ST3GAL1: variants seen among roughly 807,000 people sequenced by gnomAD.
ST3GAL1 encodes ST3 beta-galactoside alpha-2,3-sialyltransferase 1, also known as CMP-N-acetylneuraminate-beta-galactosamide-alpha-2,3-sialyltransferase 1.
Under a neutral mutation model 34.1 loss-of-function variants are expected in ST3GAL1, and 16 were observed. That is an observed-to-expected ratio of 0.47 (90% CI 0.32 to 0.71). The LOEUF is 0.71. Ranked by LOEUF, ST3GAL1 falls within the 30% of genes least tolerant of loss-of-function variation. ST3GAL1 has a pLI of 0.04. For missense variants in ST3GAL1, 353 were observed against 447.4 expected, an observed-to-expected ratio of 0.79 and a Z score of 1.90; for synonymous variants, 191 against 184.7, an observed-to-expected ratio of 1.03 and a Z score of -0.28.
intron 2 of ST3GAL1, among the ~76,000 whole-genome samples, chr8:133,529,949 C>T (rs983629743): frequency 6.6e-6 from 1 of 152,190 alleles, no homozygotes; most frequent in African/African-American, 2.4e-5. Flanking sequence ...TTTCTAGCAC[C>T]TGTTCTCCTA....
At position 133,545,054 on chromosome 8, in the gene ST3GAL1, T is replaced by C. The variant is rs1038596049; in HGVS notation, c.-429+720A>G. 7.2e-5 allele frequency among the ~76,000 whole-genome samples: 11 copies of C among 152,224 alleles called. No homozygotes were observed. The South Asian group carries it at 1.2e-3, about 17-fold the overall frequency. On this transcript the variant is annotated intron_variant, in intron 2 of 9. Transcript: ENST00000522652. ...TCTCTGCACTATCCATGGGTACCCATAAGCAACATGTGGCTACTAAGCACA... is the reference window on the plus strand; with the variant it reads ...TCTCTGCACTATCCATGGGTACCCACAAGCAACATGTGGCTACTAAGCACA...
At position 133,458,180 on chromosome 8, in the gene ST3GAL1, C is replaced by T. The variant is rs1227996277; in HGVS notation, c.*1584G>A. On this transcript the variant is annotated 3_prime_UTR_variant, in exon 10 of 10. Coordinates refer to ENST00000522652, the MANE Select transcript of ST3GAL1 (RefSeq NM_173344.3). ...CTAGATACCCCCAATATCCCACGTC[C>T]GAGGACTCCTACAAACCTCCCTTAA... is the stretch of plus-strand genomic sequence containing the variant. The T allele has an allele frequency of 1.3e-5, 2 of 152,120 alleles. No homozygotes were observed. Among genetic ancestry groups the T allele is most frequent in the African/African-American group, 2.4e-5 (1 of 41,404 alleles). The allele number at this position is 152,120 out of a possible 1,614,324, so 9.4% of individuals were successfully genotyped here.
At chr8:133,557,094 G>C (rs2131098908) in intron 1 of ST3GAL1, among the ~76,000 whole-genome samples, 1 of 152,298 alleles carries the variant, frequency 6.6e-6, no homozygotes, top group Middle Eastern at 3.4e-3. Context: ...AACACTGATA[G>C]CACTAGCAAG....
chr8:133,498,973 C>T (rs1211992214), intron 3 of ST3GAL1, among the ~76,000 whole-genome samples, 162 bp downstream of exon 3: 1 of 152,232 alleles, frequency 6.6e-6, no homozygotes, highest in Non-Finnish European at 1.5e-5. Context: ...TTTTTGGACC[C>T]AGGGGCCCTC....
At chr8:133,488,185 G>A (rs957486310) in intron 3 of ST3GAL1, 1 of 152,316 alleles carries the variant, frequency 6.6e-6, no homozygotes, top group South Asian at 2.1e-4. Context: ...GGAATTCAAG[G>A]CTGCAATGAG....
chr8:133,511,603 A>G, intron 2 of ST3GAL1, among the ~76,000 whole-genome samples: 1 of 152,244 alleles, frequency 6.6e-6, no homozygotes, highest in African/African-American at 2.4e-5. Flanking sequence ...AACTTAGGTC[A>G]CCAGGCTCCG....
At chr8:133,546,478 CAAA>C (rs10553471) in intron 1 of ST3GAL1, among the ~76,000 whole-genome samples, 122 of 114,732 alleles carry the variant, frequency 1.1e-3, no homozygotes, top group Non-Finnish European at 1.0e-3. Flanking sequence ...GAGACTCCGT[CAAA>C]AAAAAAAAAA....
At chr8:133,507,737 A>T (rs1270825668) in intron 2 of ST3GAL1, among the ~76,000 whole-genome samples, 1 of 152,208 alleles carries the variant, frequency 6.6e-6, no homozygotes, top group Non-Finnish European at 1.5e-5. Context: ...GACTTTCCTT[A>T]GGTAGCAAAT....
At chr8:133,483,992 A>G (rs1190699509) in intron 3 of ST3GAL1, among the ~76,000 whole-genome samples, 1 of 152,198 alleles carries the variant, frequency 6.6e-6, no homozygotes, top group Non-Finnish European at 1.5e-5. Context: ...AGATTTACAC[A>G]TCCGCAGGAA....
rs1417672918 is a variant in ST3GAL1, at chr8:133,461,374, G to A, written c.849+501C>T. On this transcript the variant is annotated intron_variant, in intron 9 of 9. Transcript: ENST00000522652. This position sits in a 1 kb window ranked among gnomAD's most constrained non-coding sequence, Gnocchi z 4.7. ...ACCCGAACACAGCCTAGCGGACAGC[G>A]AAGGACATGGGAAGGCAAATGCATG... 2.0e-5 allele frequency among the ~76,000 whole-genome samples: 3 copies of A among 152,172 alleles called. No homozygotes were observed. The highest frequency in any genetic ancestry group is 2.9e-5 in the Non-Finnish European group (2 of 68,032).
At chr8:133,503,634 T>A (rs535122049) in intron 2 of ST3GAL1, among the ~76,000 whole-genome samples, 1 of 152,190 alleles carries the variant, frequency 6.6e-6, no homozygotes, top group Non-Finnish European at 1.5e-5. Context: ...TGGACTCTTC[T>A]GCCTGGCTTT....
chr8:133,566,539 C>G (rs1033907708), intron 1 of ST3GAL1, among the ~76,000 whole-genome samples: 2 of 152,096 alleles, frequency 1.3e-5, no homozygotes, highest in African/African-American at 4.8e-5. Flanking sequence ...CCCCGCATTG[C>G]AGGGGGTGAT....
At chr8:133,541,086 TATATATAAAC>T (rs1563734546) in intron 2 of ST3GAL1, among the ~76,000 whole-genome samples, 3 of 101,528 alleles carry the variant, frequency 3.0e-5, no homozygotes, top group Admixed American at 1.0e-4. Context: ...TATAGACATA[TATATATAAAC>T]ATATATATAT....
chr8:133,475,901 T>G lies in ST3GAL1; in HGVS notation c.124A>C (p.Met42Leu). The G allele has an allele frequency of 6.2e-7, 1 of 1,613,962 alleles. No individual in the cohort carries two copies. Among genetic ancestry groups the G allele is most frequent in the Non-Finnish European group, 8.5e-7 (1 of 1,179,994 alleles). The change falls in exon 5 of 10, where the codon ATG becomes CTG. Residue 42 changes from methionine to leucine, a missense_variant. Transcript: ENST00000522652. ...MVATTWFPKQMVLELSENLKR... is the reference protein window; with the variant it reads ...MVATTWFPKQLVLELSENLKR... ...AGGTTCTCGGAGAGCTCCAGGACCATCTGCTTGGGGAACCAGGTGGTGGCC... is the reference window on the plus strand; with the variant it reads ...AGGTTCTCGGAGAGCTCCAGGACCAGCTGCTTGGGGAACCAGGTGGTGGCC...
At chr8:133,541,863 A>C (rs1426486286) in intron 2 of ST3GAL1, among the ~76,000 whole-genome samples, 1 of 152,176 alleles carries the variant, frequency 6.6e-6, no homozygotes, top group Non-Finnish European at 1.5e-5. Flanking sequence ...ACTGGGCCTG[A>C]ACACGGTTTA....
At chr8:133,518,542 C>A (rs957496612) in intron 2 of ST3GAL1, among the ~76,000 whole-genome samples, 4 of 152,164 alleles carry the variant, frequency 2.6e-5, no homozygotes, top group South Asian at 2.1e-4. Flanking sequence ...TCTTATCCAG[C>A]GAGACTGACA....
In ST3GAL1 at chr8:133,556,186, A is replaced by T. The variant is rs1362475083; in HGVS notation, c.-581-10260T>A. On this transcript the variant is annotated intron_variant, in intron 1 of 9. Transcript: ENST00000522652. This position sits in a 1 kb window ranked among gnomAD's most constrained non-coding sequence, Gnocchi z 8.9. ...GCTAGGATTGCAGGCATGAGCCACC[A>T]TGCCCAGCTTGTTTTTTCTTTTTGA... Among the ~76,000 whole-genome samples the T allele has an allele frequency of 6.6e-6, 1 of 152,042 alleles. No homozygotes were observed. Among genetic ancestry groups the T allele is most frequent in the Non-Finnish European group, 1.5e-5 (1 of 68,002 alleles).
At chr8:133,523,919 C>A (rs186325070) in intron 2 of ST3GAL1, among the ~76,000 whole-genome samples, 163 of 152,296 alleles carry the variant, frequency 1.1e-3, no homozygotes, top group Non-Finnish European at 1.8e-3. Context: ...GCTTTGTGTC[C>A]TTCGGGGAGC....
intron 5 of ST3GAL1, among the ~76,000 whole-genome samples, chr8:133,474,978 G>A (rs969790565): frequency 2.0e-5 from 3 of 152,214 alleles, no homozygotes; most frequent in Admixed American, 6.5e-5. Flanking sequence ...GGGTGAAATA[G>A]TGGCTCCCAA....
Sources: allele counts gnomAD v4.1 joint callset (sites outside exome capture counted in the v4.1 genomes callset), GRCh38; gene constraint gnomAD v4.1.1; non-coding constraint Gnocchi (gnomAD v3.1); transcripts MANE v1.5; gene names NCBI Gene and HGNC (gene_info 2026-07-23, HGNC 2026-07-21).